The following DSCAM variants were observed in gnomAD, a reference collection of about 807,000 sequenced individuals.
The protein encoded by DSCAM is cell adhesion molecule DSCAM.
Under a neutral mutation model 217.7 loss-of-function variants are expected in DSCAM, and 47 were observed. The ratio of observed to expected loss-of-function variants is 0.22; its 90% confidence interval spans 0.17 to 0.28. The LOEUF is 0.28. Ranked by LOEUF, DSCAM falls within the 10% of genes least tolerant of loss-of-function variation. The pLI, the probability that DSCAM is intolerant of heterozygous loss-of-function variation, is 1.00. For missense variants in DSCAM, 2,080 were observed against 2,618.3 expected, an observed-to-expected ratio of 0.79 and a Z score of 4.49; for synonymous variants, 1,056 against 1,015.3, an observed-to-expected ratio of 1.04 and a Z score of -0.76.
At chr21:40,834,190 C>A (rs550909306) in intron 1 of DSCAM, among the ~76,000 whole-genome samples, 3 of 151,808 alleles carry the variant, frequency 2.0e-5, no homozygotes, top group Admixed American at 6.6e-5. Flanking sequence ...GGGCGGATCA[C>A]GAGGTCAGGA....
chr21:40,183,441 T>C (rs575149106), intron 14 of DSCAM, among the ~76,000 whole-genome samples: 3 of 152,192 alleles, frequency 2.0e-5, no homozygotes, highest in Non-Finnish European at 4.4e-5. Context: ...AGATGACGCC[T>C]CTGGTGCTGC....
chr21:40,160,961 G>A (rs1022555301), intron 16 of DSCAM, among the ~76,000 whole-genome samples: 3 of 152,188 alleles, frequency 2.0e-5, no homozygotes, highest in African/African-American at 7.2e-5. Flanking sequence ...CACTCTGCTG[G>A]AGAGGTACAG....
chr21:40,531,048 C>G (rs781335586), intron 3 of DSCAM, among the ~76,000 whole-genome samples: 4 of 152,140 alleles, frequency 2.6e-5, no homozygotes, highest in African/African-American at 4.8e-5. Flanking sequence ...CAGCCTCGTT[C>G]CCACGACTAT....
intron 1 of DSCAM, among the ~76,000 whole-genome samples, chr21:40,724,419 CAG>C (rs1328799774): frequency 8.6e-5 from 13 of 152,020 alleles, no homozygotes; most frequent in Non-Finnish European, 1.9e-4. Context: ...GCAGAAATAA[CAG>C]AGAAATAAAG....
At position 40,235,268 on chromosome 21, in the gene DSCAM, AG is replaced by A. The variant is rs935543429; in HGVS notation, c.2356+40828del. On this transcript the variant is annotated intron_variant, in intron 11 of 32. Transcript: ENST00000400454. ...TCAAAACAGACAGTGGTTTCATATC[AG>A]TTAACCGTATGGTCCAGAGTAACCA... 1.1e-4 allele frequency among the ~76,000 whole-genome samples: 16 copies of A among 152,322 alleles called. 1 individual carries two copies. Among genetic ancestry groups the A allele is most frequent in the Admixed American group, 3.3e-4 (5 of 15,298 alleles).
At chr21:40,380,535 G>A (rs953051786) in intron 3 of DSCAM, among the ~76,000 whole-genome samples, 6 of 152,180 alleles carry the variant, frequency 3.9e-5, no homozygotes, top group African/African-American at 1.4e-4. Flanking sequence ...CATGAATTGA[G>A]AAACAGAAGT....
chr21:40,494,190 T>C (rs985316399), intron 3 of DSCAM, among the ~76,000 whole-genome samples: 2 of 152,196 alleles, frequency 1.3e-5, no homozygotes, highest in African/African-American at 4.8e-5. Context: ...TAATAAGTCC[T>C]TACCTATTTA....
chr21:40,168,707 G>C (rs529217060), intron 15 of DSCAM, among the ~76,000 whole-genome samples: 1 of 152,282 alleles, frequency 6.6e-6, no homozygotes, highest in African/African-American at 2.4e-5. Context: ...ATAAAGGGTA[G>C]ATTTGGGGAA....
intron 21 of DSCAM, among the ~76,000 whole-genome samples, chr21:40,090,813 C>G (rs927215597): frequency 6.6e-6 from 1 of 152,200 alleles, no homozygotes; most frequent in African/African-American, 2.4e-5. Context: ...CCTCAGTGCA[C>G]AGATGCCTCT....
chr21:40,668,200 T>C (rs370633353), intron 3 of DSCAM, among the ~76,000 whole-genome samples: 1 of 152,110 alleles, frequency 6.6e-6, no homozygotes, highest in African/African-American at 2.4e-5. Context: ...CACACTGCTG[T>C]ACACTAGTCC....
intron 11 of DSCAM, among the ~76,000 whole-genome samples, chr21:40,246,583 G>A (rs1327575532): frequency 2.6e-5 from 4 of 151,646 alleles, no homozygotes; most frequent in African/African-American, 9.7e-5. Flanking sequence ...GGATCTTGGG[G>A]TGGGTAGATG....
At chr21:40,363,252 C>CTT (rs35756323) in intron 4 of DSCAM, among the ~76,000 whole-genome samples, 8,167 of 116,122 alleles carry the variant, frequency 0.07, 617 homozygotes, top group East Asian at 0.19. Flanking sequence ...TTTTTGTGTT[C>CTT]TTTTTTTTTT....
intron 21 of DSCAM, 83 bp from the exon 22 acceptor site, chr21:40,087,370 A>G: frequency 1.0e-6 from 1 of 973,904 alleles, no homozygotes; most frequent in Non-Finnish European, 1.6e-6. Flanking sequence ...CAATAAGGGC[A>G]ATACCTAAAA....
intron 8 of DSCAM, among the ~76,000 whole-genome samples, chr21:40,332,703 T>G (rs2074389710): frequency 6.6e-6 from 1 of 152,192 alleles, no homozygotes; most frequent in Non-Finnish European, 1.5e-5. Flanking sequence ...TGCCTATATG[T>G]TTGAAGGCAG....
intron 11 of DSCAM, among the ~76,000 whole-genome samples, chr21:40,217,823 G>T (rs1300600256): frequency 6.6e-6 from 1 of 152,086 alleles, no homozygotes; most frequent in Non-Finnish European, 1.5e-5. Flanking sequence ...TTTGAGAAGT[G>T]TCTGTTCACG....
intron 11 of DSCAM, among the ~76,000 whole-genome samples, chr21:40,262,930 TTGGCCATCTCA>T (rs1569030037): frequency 2.0e-5 from 3 of 152,226 alleles, no homozygotes; most frequent in Non-Finnish European, 4.4e-5. Flanking sequence ...TTTCTTGCCA[TTGGCCATCTCA>T]CCATGAGGCT....
intron 3 of DSCAM, among the ~76,000 whole-genome samples, chr21:40,527,126 T>G (rs748128708): frequency 2.0e-5 from 3 of 152,164 alleles, no homozygotes; most frequent in Non-Finnish European, 4.4e-5. Context: ...CTATTCCTGA[T>G]AGTGTCCCTA....
At chr21:40,602,559 G>A (rs11910520) in intron 3 of DSCAM, among the ~76,000 whole-genome samples, 7,875 of 152,112 alleles carry the variant, frequency 0.052, 612 homozygotes, top group African/African-American at 0.16. Context: ...GATAGTCTGT[G>A]TCCTTCAAGA....
intron 26 of DSCAM, 107 bp downstream of exon 26, chr21:40,078,580 G>C: frequency 4.2e-6 from 6 of 1,439,446 alleles, no homozygotes; most frequent in Non-Finnish European, 5.6e-6. Flanking sequence ...GGCTCCGTGG[G>C]CACTGGTCAA....
Sources: gnomAD v4.1 joint callset for allele counts (sites outside exome capture counted in the v4.1 genomes callset) on GRCh38, gnomAD v4.1.1 for gene constraint, MANE v1.5 for transcripts, NCBI Gene and HGNC (gene_info 2026-07-23, HGNC 2026-07-21) for gene names.